The following SLC36A2 variants were observed in gnomAD, a reference collection of about 807,000 sequenced individuals.
SLC36A2 encodes the protein solute carrier family 36 member 2.
A neutral mutation model predicts 42.7 loss-of-function variants in SLC36A2; 39 were observed. The ratio of observed to expected loss-of-function variants is 0.91; its 90% CI spans 0.71 to 1.19. The LOEUF is 1.19. Ranked by LOEUF, SLC36A2 falls within the 50% of genes most tolerant of loss-of-function variation. The pLI, the probability that SLC36A2 is intolerant of heterozygous loss-of-function variation, is 0.00. For missense variants in SLC36A2, 590 were observed against 613.7 expected (o/e 0.96, Z 0.41); for synonymous variants, 237 against 240.8 (o/e 0.98, Z 0.15).
chr5:151,332,265 T>A (rs990956836), intron 7 of SLC36A2, among the ~76,000 whole-genome samples: 2 of 152,186 alleles, frequency 1.3e-5, no homozygotes, highest in Non-Finnish European at 2.9e-5. Context: ...TGATAAGGAT[T>A]TTGTATCTGG....
chr5:151,318,215 G>A (rs1755560105), intron 9 of SLC36A2, among the ~76,000 whole-genome samples: 2 of 151,888 alleles, frequency 1.3e-5, no homozygotes, highest in African/African-American at 4.8e-5. Flanking sequence ...CTACCGAGGT[G>A]CATTTTGGAT....
In SLC36A2 at chr5:151,322,111, C is replaced by T. The variant is rs774099891; in HGVS notation, c.1115G>A (p.Arg372Gln). ...AGGCAGTGCCCAGCGTGTTGACACC[C>T]GGGAGATGGCAAAGGGGATGATGAT... ...AEIIIPFAISRVSTRWALPLD... is the reference protein window; with the variant it reads ...AEIIIPFAISQVSTRWALPLD... Residue 372 changes from arginine to glutamine, a missense_variant, in exon 9 of 10, where the codon CGG becomes CAG. Coordinates refer to ENST00000335244, the MANE Select transcript of SLC36A2 (RefSeq NM_181776.3). 32 of 1,613,968 alleles carry T rather than the reference C, an allele frequency of 2.0e-5. No homozygotes were observed. The highest frequency in any genetic ancestry group is 5.0e-5 in the Admixed American group (3 of 59,994).
chr5:151,325,221 AG>A, intron 8 of SLC36A2, 64 bp downstream of exon 8: 1 of 1,565,354 alleles, frequency 6.4e-7, no homozygotes, highest in Non-Finnish European at 8.7e-7. Flanking sequence ...GGAAGGGAGG[AG>A]GAAGTGACCT....
chr5:151,317,180 A>C, intron 9 of SLC36A2, 92 bp from the exon 10 acceptor site: 1 of 1,499,612 alleles, frequency 6.7e-7, no homozygotes, highest in South Asian at 1.2e-5. Flanking sequence ...GGCCAGGCAC[A>C]GTGGCTCACA....
intron 9 of SLC36A2, 72 bp downstream of exon 9, chr5:151,321,974 G>A (rs1451596084): frequency 8.2e-6 from 13 of 1,593,870 alleles, no homozygotes; most frequent in Admixed American, 3.3e-5. Flanking sequence ...CAATGCATCC[G>A]GCCCATCTGG....
At position 151,346,520 on chromosome 5, in the gene SLC36A2, C is replaced by T. The variant is rs548791425; in HGVS notation, c.164+777G>A. 1.4e-3 allele frequency among the ~76,000 whole-genome samples: 219 copies of T among 152,280 alleles called. 1 individual carries two copies. Among genetic ancestry groups the T allele is most frequent in the African/African-American group, 4.9e-3 (204 of 41,550 alleles). ...AAGGAGCAGAGAAACCACTTGAACT[C>T]AGGCCTTCTGATTCTCTGTCCAGTG... On this transcript the variant is annotated intron_variant, in intron 1 of 9. Transcript: ENST00000335244.
intron 8 of SLC36A2, among the ~76,000 whole-genome samples, chr5:151,324,756 A>C (rs540012073): frequency 5.6e-4 from 86 of 152,242 alleles, no homozygotes; most frequent in African/African-American, 2.0e-3. Context: ...CTACCTCAGC[A>C]TCCCAAGCAG....
At position 151,325,369 on chromosome 5, in the gene SLC36A2, T is replaced by G; in HGVS notation, c.927A>C (p.Leu309=). The G allele has an allele frequency of 6.2e-7, 1 of 1,614,146 alleles. No individual in the cohort carries two copies. The highest frequency in any genetic ancestry group is 1.3e-5 in the African/African-American group (1 of 75,042). The stretch of plus-strand genomic sequence containing the variant: ...AGCCCAGAGCCGCCATGCCAATGTA[T>G]AGGGAAGTGACGATGGACATTCCCA... ...LSLGMSIVTS[L]YIGMAALGYL... Residue 309 remains leucine (L), a synonymous_variant, in exon 8 of 10, where the codon CTA becomes CTC. Coordinates refer to ENST00000335244, the MANE Select transcript of SLC36A2 (RefSeq NM_181776.3).
chr5:151,332,407 A>G (rs1351309340), intron 7 of SLC36A2: 7 of 455,776 alleles, frequency 1.5e-5, no homozygotes, highest in Non-Finnish European at 2.6e-5. Flanking sequence ...TCAATGTCAA[A>G]AACCTGTACA....
At chr5:151,319,189 C>T (rs1350993628) in intron 9 of SLC36A2, 1 of 924,404 alleles carries the variant, frequency 1.1e-6, no homozygotes, top group Non-Finnish European at 1.3e-6. Context: ...GCTATTACTC[C>T]AAGTTATTTA....
rs1204252008 is a variant in SLC36A2 at position 151,316,918 on chromosome 5, C to G, written c.1351G>C (p.Gly451Arg). 1 of 1,613,928 alleles carries G rather than the reference C, an allele frequency of 6.2e-7. No individual in the cohort carries two copies. Among genetic ancestry groups the G allele is most frequent in the Non-Finnish European group, 8.5e-7 (1 of 1,180,006 alleles). The change falls in exon 10 of 10, where the codon GGC (glycine) becomes CGC (arginine). Residue 451 changes from glycine to arginine, a missense_variant. Physicochemically the swap from Gly to Arg is moderately radical, Grantham distance 125 (BLOSUM62 -2). Transcript: ENST00000335244. ...GTCCCCACCACAAAGCCCACGAAGC[C>G]CAGGATGCTGATCAGGGCGTCCTTG... The part of the protein sequence containing the change: ...IFKDALISIL[G>R]FVGFVVGTYQ...
chr5:151,333,876 C>T (rs1341706537), intron 6 of SLC36A2, among the ~76,000 whole-genome samples: 2 of 152,092 alleles, frequency 1.3e-5, no homozygotes, highest in African/African-American at 2.4e-5. Flanking sequence ...GAAGACCTTA[C>T]ACACCACAGA....
rs1283519168 is a variant in SLC36A2 at position 151,315,708 on chromosome 5, G to A, written c.*1109C>T. 1.3e-5 allele frequency: 2 copies of A among 152,224 alleles called. No homozygotes were observed. Among genetic ancestry groups the A allele is most frequent in the South Asian group, 2.1e-4 (1 of 4,828 alleles). The allele number at this position is 152,224 out of a possible 1,614,324, so 9.4% of individuals were successfully genotyped here. A position where few individuals can be genotyped will look rare whatever the true frequency, so the allele number is the denominator to read the frequency against. On this transcript the variant is annotated 3_prime_UTR_variant, in exon 10 of 10. Coordinates refer to ENST00000335244, the MANE Select transcript of SLC36A2 (RefSeq NM_181776.3). ...AGATACAGACTTCATCTTTTCATAGGAGCAGGTGCAAAGTCACATTATCAC... is the reference window on the plus strand; with the variant it reads ...AGATACAGACTTCATCTTTTCATAGAAGCAGGTGCAAAGTCACATTATCAC...
rs755913700 is a variant in SLC36A2 at position 151,322,109 on chromosome 5, C to T, written c.1117G>A (p.Val373Met). 25 of 1,614,030 alleles carry T rather than the reference C, an allele frequency of 1.5e-5. No individual in the cohort carries two copies. Among genetic ancestry groups the T allele is most frequent in the Non-Finnish European group, 1.9e-5 (23 of 1,180,034 alleles). The change falls in exon 9 of 10, where the codon GTG (valine) becomes ATG (methionine). Residue 373 changes from valine (V) to methionine (M), a missense_variant. Transcript: ENST00000335244. ...AGAGGCAGTGCCCAGCGTGTTGACA[C>T]CCGGGAGATGGCAAAGGGGATGATG... is the stretch of plus-strand genomic sequence containing the variant. ...EIIIPFAISR[V>M]STRWALPLDL...
intron 9 of SLC36A2, 196 bp downstream of exon 9, chr5:151,321,850 G>A (rs1755701767): frequency 3.4e-6 from 2 of 593,280 alleles, no homozygotes; most frequent in Non-Finnish European, 3.0e-6. Flanking sequence ...GTTAATTGTT[G>A]TATTTTTAGT....
intron 7 of SLC36A2, among the ~76,000 whole-genome samples, chr5:151,328,382 C>A (rs1406010303): frequency 2.0e-5 from 3 of 152,176 alleles, no homozygotes; most frequent in Non-Finnish European, 4.4e-5. Context: ...TCTTCCCATA[C>A]ATCCTAGTTT....
chr5:151,327,133 A>G (rs1459389155), intron 7 of SLC36A2, among the ~76,000 whole-genome samples: 1 of 152,182 alleles, frequency 6.6e-6, no homozygotes, highest in Non-Finnish European at 1.5e-5. Context: ...CAAATTTTGT[A>G]GAGAATTACA....
chr5:151,336,579 C>T (rs1373688033), intron 5 of SLC36A2, among the ~76,000 whole-genome samples: 1 of 149,004 alleles, frequency 6.7e-6, no homozygotes, highest in East Asian at 2.0e-4. Context: ...AGTAAGAAAA[C>T]TCTTTCTTGT....
At chr5:151,334,808 A>G (rs1756100094) in intron 6 of SLC36A2, among the ~76,000 whole-genome samples, 1 of 152,208 alleles carries the variant, frequency 6.6e-6, no homozygotes, top group African/African-American at 2.4e-5. Context: ...AACTAACATT[A>G]TAATAGATTT....
Sources: allele counts gnomAD v4.1 joint callset (sites outside exome capture counted in the v4.1 genomes callset), GRCh38; gene constraint gnomAD v4.1.1; transcripts MANE v1.5; gene names NCBI Gene and HGNC (gene_info 2026-07-23, HGNC 2026-07-21).